LNX1: variants seen among roughly 807,000 people sequenced by gnomAD.
LNX1 encodes E3 ubiquitin-protein ligase LNX.
LNX1 carries 54 observed loss-of-function variants against 68.4 expected under a neutral mutation model. The ratio of observed to expected loss-of-function variants is 0.79; its 90% CI spans 0.63 to 0.99. The LOEUF (loss-of-function observed/expected upper bound fraction) is 0.99. LNX1 is among the 50% of genes least tolerant of loss of function. The probability of loss-of-function intolerance (pLI) is 0.00; values close to 1 mark genes in which losing one functional copy is unlikely to be tolerated. For missense variants in LNX1, 906 were observed against 926.4 expected, an observed-to-expected ratio of 0.98 and a Z score of 0.29; for synonymous variants, 336 against 350.0, an observed-to-expected ratio of 0.96 and a Z score of 0.45.
chr4:53,464,925 CTG>C (rs563271059), intron 9 of LNX1, among the ~76,000 whole-genome samples: 324 of 152,132 alleles, frequency 2.1e-3, no homozygotes, highest in Non-Finnish European at 3.6e-3. Context: ...TGAATTTCTT[CTG>C]TGTTTTTTCT....
rs56165716 is a variant in LNX1 at position 53,501,299 on chromosome 4, T to TTTGGG, written c.776-2457_776-2456insCCCAA. Among the ~76,000 whole-genome samples the TTTGGG allele has an allele frequency of 1.5e-3, 58 of 38,816 alleles. 3 individuals carry two copies. The highest frequency in any genetic ancestry group is 3.3e-3 in the Non-Finnish European group (48 of 14,388). The allele number at this position is 38,816 out of a possible 152,430, so 25.5% of individuals were successfully genotyped here. On this transcript the variant is annotated intron_variant, in intron 4 of 10. Transcript: ENST00000263925. Reference sequence around the variant, plus strand: ...TAATAATCTTTTTTTTTTTTTTTTTTGGGGGTGGGGGGACAGGATCTCACT... The same window carrying TTTGGG: ...TAATAATCTTTTTTTTTTTTTTTTTTTTGGGGGGGGTGGGGGGACAGGATCTCACT...
At chr4:53,482,304 A>G (rs1443521988) in intron 6 of LNX1, among the ~76,000 whole-genome samples, 2 of 152,216 alleles carry the variant, frequency 1.3e-5, no homozygotes, top group South Asian at 2.1e-4. Context: ...CACTGCAGGA[A>G]GAGAAATCCT....
intron 1 of LNX1, among the ~76,000 whole-genome samples, chr4:53,584,044 C>T (rs1236992544): frequency 2.0e-5 from 3 of 152,060 alleles, no homozygotes; most frequent in Admixed American, 6.5e-5. Context: ...CCAAGGATCC[C>T]GGGAAGAGCT....
At chr4:53,579,363 G>T (rs1443412209) in intron 1 of LNX1, 3 of 709,082 alleles carry the variant, frequency 4.2e-6, no homozygotes, top group Non-Finnish European at 5.2e-6. Context: ...GAAACCAGAG[G>T]TGATTTTTAG....
In LNX1 at chr4:53,571,526, G is replaced by A. The variant is rs558402273; in HGVS notation, c.380+2097C>T. Among the ~76,000 whole-genome samples, 3 of 152,232 alleles carry A rather than the reference G, an allele frequency of 2.0e-5. No individual in the cohort carries two copies. The East Asian group carries it at 5.8e-4, about 29-fold the overall frequency. ...GGAGGCCACGAGCCAAGGAAGACAG[G>A]CAGCACTAGAAGCTGGAAGAGGCAA... On this transcript the variant is annotated intron_variant, in intron 2 of 10. Transcript: ENST00000263925.
chr4:53,567,722 G>A (rs1223203358), intron 2 of LNX1, among the ~76,000 whole-genome samples: 1 of 151,966 alleles, frequency 6.6e-6, no homozygotes, highest in Non-Finnish European at 1.5e-5. Context: ...TTTATTGAAA[G>A]GATCAACAAA....
intron 1 of LNX1, among the ~76,000 whole-genome samples, chr4:53,585,589 A>G (rs1732116054): frequency 6.6e-6 from 1 of 152,208 alleles, no homozygotes; most frequent in Admixed American, 6.5e-5. Context: ...TCCTAAATTC[A>G]ATGACAGATG....
intron 2 of LNX1, among the ~76,000 whole-genome samples, chr4:53,563,016 C>G (rs911151149): frequency 1.1e-4 from 17 of 152,066 alleles, no homozygotes; most frequent in African/African-American, 4.1e-4. Flanking sequence ...ACCATTCTGG[C>G]TAACATGGTA....
At chr4:53,567,035 C>T (rs1730746860) in intron 2 of LNX1, among the ~76,000 whole-genome samples, 1 of 150,058 alleles carries the variant, frequency 6.7e-6, no homozygotes, top group Admixed American at 6.6e-5. Context: ...GACTCCCACA[C>T]ATTAATAATG....
Position 53,490,257 on chromosome 4 carries a change from G to T in LNX1, c.1350+5766C>A, listed in dbSNP as rs141180496. ...GTCTGGAATTGCCTATGGAAAAAAGGCTTAAGAGGGACATTCAAATTTGAA... is the reference window on the plus strand; with the variant it reads ...GTCTGGAATTGCCTATGGAAAAAAGTCTTAAGAGGGACATTCAAATTTGAA... On this transcript the variant is annotated intron_variant, in intron 6 of 10. Transcript: ENST00000263925. 3.3e-3 allele frequency among the ~76,000 whole-genome samples: 501 copies of T among 152,234 alleles called. 2 individuals are homozygous for T. Among genetic ancestry groups the T allele is most frequent in the African/African-American group, 0.012 (484 of 41,538 alleles).
intron 2 of LNX1, among the ~76,000 whole-genome samples, chr4:53,547,434 T>G (rs6554110): frequency 0.98 from 149,825 of 152,286 alleles, 73,752 homozygotes; most frequent in Middle Eastern, 1. Flanking sequence ...CCTGCCCAAG[T>G]TTGCCCAGCT....
At chr4:53,508,821 G>A (rs1033732547) in intron 2 of LNX1, among the ~76,000 whole-genome samples, 25 of 152,262 alleles carry the variant, frequency 1.6e-4, no homozygotes, top group South Asian at 1.5e-3. Flanking sequence ...GGTGTTGGGG[G>A]CTCCCATGAT....
chr4:53,585,461 G>T (rs1487212932), intron 1 of LNX1, among the ~76,000 whole-genome samples: 1 of 152,100 alleles, frequency 6.6e-6, no homozygotes, highest in African/African-American at 2.4e-5. Flanking sequence ...CCCTGCAAAA[G>T]ATATATCCAT....
intron 2 of LNX1, among the ~76,000 whole-genome samples, chr4:53,569,998 GAA>G (rs1277034149): frequency 2.0e-5 from 3 of 152,262 alleles, no homozygotes; most frequent in Non-Finnish European, 4.4e-5. Flanking sequence ...GGCGATCATT[GAA>G]AAGTCAGGAA....
At chr4:53,588,833 G>A (rs140659995) in intron 1 of LNX1, among the ~76,000 whole-genome samples, 1 of 152,234 alleles carries the variant, frequency 6.6e-6, no homozygotes, top group African/African-American at 2.4e-5. Context: ...TGGTATCCCT[G>A]AAGGGCGAGA....
At chr4:53,535,173 C>T (rs1254332208) in intron 2 of LNX1, among the ~76,000 whole-genome samples, 1 of 152,152 alleles carries the variant, frequency 6.6e-6, no homozygotes, top group Non-Finnish European at 1.5e-5. Context: ...TAATCAAAGT[C>T]GTATGAGACT....
At chr4:53,601,107 G>A (rs375798410) in intron 2 of LNX1, among the ~76,000 whole-genome samples, 1 of 144,944 alleles carries the variant, frequency 6.9e-6, no homozygotes, top group Non-Finnish European at 1.5e-5. Context: ...GGGAGGGAGG[G>A]GGGGAGGGAA....
intron 8 of LNX1, 109 bp downstream of exon 8, chr4:53,478,456 G>C: frequency 1.0e-6 from 1 of 952,730 alleles, no homozygotes; most frequent in South Asian, 2.0e-5. Flanking sequence ...AGTCCTGGCC[G>C]ATCACTCCCA....
intron 8 of LNX1, 118 bp downstream of exon 8, chr4:53,478,447 G>C (rs901929396): frequency 1.1e-6 from 1 of 891,414 alleles, no homozygotes; most frequent in Non-Finnish European, 1.6e-6. Context: ...GGTAACAAAA[G>C]TCCTGGCCGA....
Sources: gnomAD v4.1 joint callset for allele counts (sites outside exome capture counted in the v4.1 genomes callset) on GRCh38, gnomAD v4.1.1 for gene constraint, MANE v1.5 for transcripts, NCBI Gene and HGNC (gene_info 2026-07-23, HGNC 2026-07-21) for gene names.